Variants in ATF7IP2 observed in about 807,000 individuals in gnomAD.
The protein encoded by ATF7IP2 is activating transcription factor 7 interacting protein 2.
Under a neutral mutation model 64.2 loss-of-function variants are expected in ATF7IP2, and 42 were observed. That is an observed-to-expected ratio of 0.65 (90% CI 0.51 to 0.85). The LOEUF (loss-of-function observed/expected upper bound fraction) is 0.85. ATF7IP2 is among the 40% of genes least tolerant of loss of function. ATF7IP2 has a pLI of 0.00. For synonymous variants in ATF7IP2, 308 were observed against 272.8 expected (o/e 1.13, Z -1.27); for missense variants, 933 against 784.2 (o/e 1.19, Z -2.27).
Position 10,473,460 on chromosome 16 carries a change from A to C in ATF7IP2, c.1427-19A>C, listed in dbSNP as rs1332057746. 1.3e-6 allele frequency: 2 copies of C among 1,484,942 alleles called. No homozygotes were observed. Among genetic ancestry groups the C allele is most frequent in the Admixed American group, 3.5e-5 (2 of 56,668 alleles). 92.0% of individuals were successfully genotyped at this position (1,484,942 alleles called of 1,614,324 possible). A position where few individuals can be genotyped will look rare whatever the true frequency, so the allele number is the denominator to read the frequency against. On this transcript the variant is annotated intron_variant, in intron 10 of 13. Transcript: ENST00000562102. ...TAAATATTGTGTAATAAATTTGTCA[A>C]ATGTCTAATTTCTTTCAGATACCAG...
chr16:10,427,090 G>A (rs1009642003), intron 3 of ATF7IP2, among the ~76,000 whole-genome samples: 3 of 152,172 alleles, frequency 2.0e-5, no homozygotes, highest in Non-Finnish European at 4.4e-5. Context: ...CTGGCCTCAG[G>A]TGATCCGTTC....
chr16:10,475,510 T>C lies in ATF7IP2; in HGVS notation c.1549+1521T>C, dbSNP rs573293903. ...ATCAAGACTATCCTGGCTAACATGG[T>C]GAAACCCCATCTCTACTAAAAATAC... is the stretch of plus-strand genomic sequence containing the variant. On this transcript the variant is annotated intron_variant, in intron 12 of 13. Transcript: ENST00000562102. Among the ~76,000 whole-genome samples, 224 of 151,464 alleles carry C rather than the reference T, an allele frequency of 1.5e-3. 1 individual carries two copies. Among genetic ancestry groups the C allele is most frequent in the Non-Finnish European group, 2.5e-3 (172 of 67,814 alleles).
At chr16:10,400,368 T>G (rs552781713) in intron 1 of ATF7IP2, among the ~76,000 whole-genome samples, 99 of 152,142 alleles carry the variant, frequency 6.5e-4, no homozygotes, top group Non-Finnish European at 1.3e-3. Flanking sequence ...TCCTGAAACT[T>G]AGTTTGTTTA....
chr16:10,478,607 G>C (rs2050096229), intron 12 of ATF7IP2, among the ~76,000 whole-genome samples: 1 of 152,170 alleles, frequency 6.6e-6, no homozygotes, highest in African/African-American at 2.4e-5. Context: ...AGGACTTCAT[G>C]TCTAAAACAC....
intron 9 of ATF7IP2, among the ~76,000 whole-genome samples, chr16:10,458,268 G>C (rs1596570311): frequency 6.6e-6 from 1 of 152,206 alleles, no homozygotes; most frequent in African/African-American, 2.4e-5. Context: ...CCAGGAAGCT[G>C]CTGTGAAGGA....
intron 8 of ATF7IP2, among the ~76,000 whole-genome samples, chr16:10,442,811 C>G (rs1348189004): frequency 6.6e-6 from 1 of 152,220 alleles, no homozygotes; most frequent in Non-Finnish European, 1.5e-5. Context: ...CCTTTAATGG[C>G]ATCCTTAGTA....
At chr16:10,472,076 A>G (rs2049821142) in intron 9 of ATF7IP2, 34 bp from the exon 10 acceptor site, 3 of 1,203,316 alleles carry the variant, frequency 2.5e-6, no homozygotes, top group Non-Finnish European at 3.6e-6. Flanking sequence ...ATGCATGTTT[A>G]GTTTTTGTTT....
intron 1 of ATF7IP2, among the ~76,000 whole-genome samples, chr16:10,406,803 A>G (rs1310773399): frequency 6.6e-6 from 1 of 152,188 alleles, no homozygotes; most frequent in African/African-American, 2.4e-5. Flanking sequence ...CCTGTGCCCT[A>G]ATTGCTTCAC....
intron 5 of ATF7IP2, among the ~76,000 whole-genome samples, chr16:10,432,331 G>GA (rs1272242480): frequency 2.0e-5 from 3 of 152,052 alleles, no homozygotes; most frequent in African/African-American, 7.2e-5. Flanking sequence ...TAATGAAATA[G>GA]AAAAAAACTG....
chr16:10,433,466 C>T (rs1299853905), intron 5 of ATF7IP2, 59 bp from the exon 6 acceptor site: 4 of 1,524,496 alleles, frequency 2.6e-6, no homozygotes, highest in Non-Finnish European at 3.6e-6. Flanking sequence ...TGAGCCACCA[C>T]ACTGAACCTG....
intron 9 of ATF7IP2, among the ~76,000 whole-genome samples, chr16:10,470,867 GTGT>G (rs995480333): frequency 6.6e-6 from 1 of 151,026 alleles, no homozygotes; most frequent in African/African-American, 2.4e-5. Flanking sequence ...GTGTGTGTGT[GTGT>G]GTGAATATAT....
chr16:10,476,939 G>T (rs1295686865), intron 12 of ATF7IP2, among the ~76,000 whole-genome samples: 1 of 152,056 alleles, frequency 6.6e-6, no homozygotes, highest in East Asian at 1.9e-4. Flanking sequence ...CTTTGCTGTT[G>T]TGATTAGTGC....
chr16:10,388,837 C>G (rs576226416), intron 1 of ATF7IP2, among the ~76,000 whole-genome samples: 5 of 151,934 alleles, frequency 3.3e-5, no homozygotes, highest in East Asian at 1.9e-4. Flanking sequence ...GGTGAAACCC[C>G]GTCTCCACTA....
intron 8 of ATF7IP2, among the ~76,000 whole-genome samples, chr16:10,455,969 T>C (rs933190537): frequency 7.9e-5 from 12 of 152,260 alleles, no homozygotes; most frequent in African/African-American, 2.2e-4. Flanking sequence ...GTTTGACTTA[T>C]GAGATTTTAT....
intron 8 of ATF7IP2, chr16:10,446,112 C>A (rs1567473267): frequency 6.6e-6 from 1 of 152,198 alleles, no homozygotes; most frequent in Non-Finnish European, 1.5e-5. Context: ...CCCATTATAT[C>A]TTTTTCCTTC....
At chr16:10,468,677 A>C (rs2049673345) in intron 9 of ATF7IP2, among the ~76,000 whole-genome samples, 2 of 152,198 alleles carry the variant, frequency 1.3e-5, no homozygotes, top group Non-Finnish European at 2.9e-5. Flanking sequence ...AGCTCTGAAG[A>C]TCTGCAAAGG....
chr16:10,391,025 G>C (rs191745826), intron 1 of ATF7IP2, among the ~76,000 whole-genome samples: 195 of 152,136 alleles, frequency 1.3e-3, no homozygotes, highest in African/African-American at 4.5e-3. Context: ...GGGTGCAGTA[G>C]CATGCGCCAG....
At chr16:10,414,806 G>A (rs1008133595) in intron 2 of ATF7IP2, among the ~76,000 whole-genome samples, 194 bp downstream of exon 2, 4 of 152,036 alleles carry the variant, frequency 2.6e-5, no homozygotes, top group Admixed American at 6.6e-5. Flanking sequence ...TTTGTCCCAC[G>A]GGATGTTCCC....
intron 7 of ATF7IP2, 37 bp from the exon 8 acceptor site, chr16:10,440,327 C>A: frequency 9.0e-7 from 1 of 1,107,386 alleles, no homozygotes. Context: ...ATATAGTACT[C>A]TGGCTTAGTA....
Sources: gnomAD v4.1 joint callset for allele counts (sites outside exome capture counted in the v4.1 genomes callset) on GRCh38, gnomAD v4.1.1 for gene constraint, MANE v1.5 for transcripts, NCBI Gene and HGNC (gene_info 2026-07-23, HGNC 2026-07-21) for gene names.